Variants in BOK observed in about 807,000 individuals in gnomAD.
BOK encodes BCL2 family apoptosis regulator BOK.
A neutral mutation model predicts 18.3 loss-of-function variants in BOK; 20 were observed. That is an observed-to-expected ratio of 1.09 (90% CI 0.77 to 1.59). The LOEUF is 1.59. Among genes scored for constraint, BOK ranks in the 40% most tolerant of loss-of-function variants. The pLI is 0.00. For synonymous variants in BOK, 173 were observed against 142.4 expected, an observed-to-expected ratio of 1.21 and a Z score of -1.53; for missense variants, 348 against 307.9, an observed-to-expected ratio of 1.13 and a Z score of -0.97.
At position 241,567,039 on chromosome 2, in the gene BOK, A is replaced by C. The variant is rs1295933992; in HGVS notation, c.350-3086A>C. ...AGACACAGAAGAGCTGGAAGGACACAGTGGACGCCGAGGCTGGTGCCTCCG... is the reference window on the plus strand; with the variant it reads ...AGACACAGAAGAGCTGGAAGGACACCGTGGACGCCGAGGCTGGTGCCTCCG... On this transcript the variant is annotated intron_variant, in intron 3 of 4. Coordinates refer to ENST00000318407, the MANE Select transcript of BOK (RefSeq NM_032515.5). Among the ~76,000 whole-genome samples the C allele has an allele frequency of 1.5e-5, 2 of 134,754 alleles. 1 individual carries two copies. Among genetic ancestry groups the C allele is most frequent in the African/African-American group, 5.8e-5 (2 of 34,412 alleles). 88.4% of individuals were successfully genotyped at this position (134,754 alleles called of 152,430 possible).
intron 3 of BOK, among the ~76,000 whole-genome samples, chr2:241,565,731 G>A (rs1005787155): frequency 6.6e-6 from 1 of 152,172 alleles, no homozygotes; most frequent in African/African-American, 2.4e-5. Context: ...GGCTCCGTGG[G>A]GGTCTCCAAG....
intron 3 of BOK, among the ~76,000 whole-genome samples, chr2:241,569,597 A>G (rs7558942): frequency 0.56 from 85,208 of 151,792 alleles, 23,927 homozygotes; most frequent in East Asian, 0.73. Flanking sequence ...TTTCTCGCTC[A>G]CGTATAAGAC....
At chr2:241,567,893 G>A (rs1410181547) in intron 3 of BOK, among the ~76,000 whole-genome samples, 2 of 77,364 alleles carry the variant, frequency 2.6e-5, no homozygotes, top group Non-Finnish European at 2.6e-5. Context: ...AGTCTCAGGA[G>A]GTCTTTATCA....
intron 3 of BOK, among the ~76,000 whole-genome samples, chr2:241,569,256 C>T (rs961656838): frequency 2.6e-5 from 4 of 152,190 alleles, no homozygotes; most frequent in Non-Finnish European, 4.4e-5. Flanking sequence ...TTCAGCCTCC[C>T]GAGTAGCTGG....
rs367601307 is a variant in BOK, at chr2:241,570,165, C to T, written c.390C>T (p.Ala130=). 1.7e-5 allele frequency: 28 copies of T among 1,611,326 alleles called. No homozygotes were observed. The highest frequency in any genetic ancestry group is 6.7e-5 in the African/African-American group (5 of 74,984). Residue 130 remains alanine, a synonymous_variant, in exon 4 of 5, where the codon GCC becomes GCT. Transcript: ENST00000318407. ...WGKVVSLYAV[A]AGLAVDCVRQ... ...AGGTGGTGTCCCTGTATGCGGTGGC[C>T]GCGGGGCTGGCCGTGGACTGTGTGA... is the stretch of plus-strand genomic sequence containing the variant.
At chr2:241,556,150 A>G (rs973389276), upstream of BOK, among the ~76,000 whole-genome samples, 4 of 152,218 alleles carry the variant, frequency 2.6e-5, no homozygotes, top group African/African-American at 9.6e-5. Flanking sequence ...CAGAAATCTG[A>G]GGCGCACACT....
At chr2:241,569,125 A>G (rs1332060288) in intron 3 of BOK, among the ~76,000 whole-genome samples, 1 of 152,176 alleles carries the variant, frequency 6.6e-6, no homozygotes, top group Non-Finnish European at 1.5e-5. Context: ...GCCATTTAAA[A>G]GCATGTATTT....
chr2:241,570,033 C>G, intron 3 of BOK, 92 bp from the exon 4 acceptor site: 2 of 1,433,160 alleles, frequency 1.4e-6, no homozygotes, highest in South Asian at 1.4e-5. Flanking sequence ...GGACGGCAAG[C>G]AGGACAGCGG....
At chr2:241,569,634 C>G (rs1170657401) in intron 3 of BOK, among the ~76,000 whole-genome samples, 4 of 151,968 alleles carry the variant, frequency 2.6e-5, no homozygotes, top group Admixed American at 2.6e-4. Flanking sequence ...GCGTCGTGTC[C>G]TGCCTTTTAT....
chr2:241,555,138 A>G (rs1472761279), upstream of BOK, among the ~76,000 whole-genome samples: 2 of 152,154 alleles, frequency 1.3e-5, no homozygotes, highest in East Asian at 1.9e-4. Context: ...AGGTCTGAAT[A>G]AGGGTTTGCG....
rs112305253 is a variant in BOK at position 241,570,970 on chromosome 2, C to T, written c.513+682C>T. 2.6e-4 allele frequency among the ~76,000 whole-genome samples: 25 copies of T among 96,580 alleles called. 1 individual carries two copies. Among genetic ancestry groups the T allele is most frequent in the Non-Finnish European group, 3.5e-4 (17 of 48,816 alleles). The allele number at this position is 96,580 out of a possible 152,430, so 63.4% of individuals were successfully genotyped here. The stretch of plus-strand genomic sequence containing the variant: ...GGTGCAGAGGTACAGGAGGGAGTGG[C>T]GGATGGGTGAGTGTCTGAGCGCCTG... On this transcript the variant is annotated intron_variant, in intron 4 of 4. Coordinates refer to ENST00000318407, the MANE Select transcript of BOK (RefSeq NM_032515.5).
chr2:241,556,154 G>A (rs372706777), upstream of BOK, among the ~76,000 whole-genome samples: 4 of 152,174 alleles, frequency 2.6e-5, no homozygotes, highest in East Asian at 1.9e-4. Flanking sequence ...AATCTGAGGC[G>A]CACACTGTCC....
At chr2:241,569,126 G>T (rs1413874481) in intron 3 of BOK, among the ~76,000 whole-genome samples, 1 of 152,164 alleles carries the variant, frequency 6.6e-6, no homozygotes. Flanking sequence ...CCATTTAAAA[G>T]CATGTATTTA....
chr2:241,554,451 T>C (rs1390708692), upstream of BOK, among the ~76,000 whole-genome samples: 1 of 152,164 alleles, frequency 6.6e-6, no homozygotes, highest in African/African-American at 2.4e-5. Context: ...AAATCCAGCA[T>C]CCTCCAGGTC....
intron 1 of BOK, 112 bp from the exon 2 acceptor site, chr2:241,559,343 C>A: frequency 1.8e-6 from 1 of 548,716 alleles, no homozygotes; most frequent in Non-Finnish European, 2.7e-6. Flanking sequence ...AAAACGAGAG[C>A]GGACCCGGCG....
At chr2:241,552,090 T>C (rs1037671818) in intron 1 of BOK, among the ~76,000 whole-genome samples, 4 of 151,744 alleles carry the variant, frequency 2.6e-5, no homozygotes, top group African/African-American at 9.7e-5. Context: ...CGGAAGGAGG[T>C]GGCGCGGCTG....
chr2:241,566,832 G>A (rs1461345069), intron 3 of BOK, among the ~76,000 whole-genome samples: 1 of 134,282 alleles, frequency 7.4e-6, no homozygotes, highest in Non-Finnish European at 1.6e-5. Context: ...TAAGATGAGT[G>A]GCTGCCAGGG....
rs2066744434 is a variant in BOK, at chr2:241,572,737, G to A, written c.*315G>A. On this transcript the variant is annotated 3_prime_UTR_variant, in exon 5 of 5. Coordinates refer to ENST00000318407, the MANE Select transcript of BOK (RefSeq NM_032515.5). ...GGTCAACTCCCAGGCCTCAGATGCA[G>A]GGGCCCAGAACACCTGCTCTCACCT... 2.5e-6 allele frequency: 1 copy of A among 403,706 alleles called. No individual in the cohort carries two copies. The highest frequency in any genetic ancestry group is 4.6e-6 in the Non-Finnish European group (1 of 215,424). 25.0% of individuals were successfully genotyped at this position (403,706 alleles called of 1,614,324 possible). A position where few individuals can be genotyped will look rare whatever the true frequency, so the allele number is the denominator to read the frequency against.
chr2:241,562,532 C>A lies in BOK; in HGVS notation c.349+56C>A. 6.4e-7 allele frequency: 1 copy of A among 1,552,012 alleles called. No individual in the cohort carries two copies. Among genetic ancestry groups the A allele is most frequent in the Non-Finnish European group, 8.7e-7 (1 of 1,152,596 alleles). Reference sequence around the variant, plus strand: ...TCAGGGAGGGATCCAGGGTCTGTGGCTCAGGCTCACAGGGACCCCACGAGC... The same window carrying A: ...TCAGGGAGGGATCCAGGGTCTGTGGATCAGGCTCACAGGGACCCCACGAGC... On this transcript the variant is annotated intron_variant, in intron 3 of 4. Coordinates refer to ENST00000318407, the MANE Select transcript of BOK (RefSeq NM_032515.5). This position sits in a 1 kb window ranked among gnomAD's most constrained non-coding sequence, Gnocchi z 4.5.
Sources: gnomAD v4.1 joint callset for allele counts (sites outside exome capture counted in the v4.1 genomes callset) on GRCh38, gnomAD v4.1.1 for gene constraint, Gnocchi (gnomAD v3.1) non-coding constraint, MANE v1.5 for transcripts, NCBI Gene and HGNC (gene_info 2026-07-23, HGNC 2026-07-21) for gene names.